The following HS6ST3 variants were observed in gnomAD, a reference collection of about 807,000 sequenced individuals.
HS6ST3 encodes the protein heparan sulfate 6-O-sulfotransferase 3.
A neutral mutation model predicts 36.7 loss-of-function variants in HS6ST3; 12 were observed. The observed-to-expected ratio is 0.33, with a 90% CI of 0.21 to 0.53. The LOEUF (loss-of-function observed/expected upper bound fraction) is 0.53. Among genes scored for constraint, HS6ST3 ranks in the 20% least tolerant of loss-of-function variants. The pLI is 0.95. For synonymous variants in HS6ST3, 240 were observed against 257.5 expected (o/e 0.93, Z 0.65); for missense variants, 584 against 640.9 (o/e 0.91, Z 0.96).
At chr13:96,320,709 C>T (rs936947530) in intron 1 of HS6ST3, among the ~76,000 whole-genome samples, 1 of 152,194 alleles carries the variant, frequency 6.6e-6, no homozygotes, top group Non-Finnish European at 1.5e-5. Context: ...CCAGCATGGC[C>T]CAGCAGCTGG....
chr13:96,796,872 G>A (rs1877925416), intron 1 of HS6ST3, among the ~76,000 whole-genome samples: 1 of 152,024 alleles, frequency 6.6e-6, no homozygotes, highest in Non-Finnish European at 1.5e-5. Context: ...TTTGGTAGGG[G>A]ACTATCGATC....
intron 1 of HS6ST3, among the ~76,000 whole-genome samples, chr13:96,390,881 T>C (rs1217354483): frequency 6.6e-6 from 1 of 152,208 alleles, no homozygotes; most frequent in Non-Finnish European, 1.5e-5. Context: ...CATCACCAAG[T>C]TATTTTTCTA....
At chr13:96,130,902 G>C (rs1361323969) in intron 1 of HS6ST3, among the ~76,000 whole-genome samples, 1 of 152,032 alleles carries the variant, frequency 6.6e-6, no homozygotes, top group Non-Finnish European at 1.5e-5. Flanking sequence ...GCAGTTATTA[G>C]AAATGTCCAA....
intron 1 of HS6ST3, among the ~76,000 whole-genome samples, chr13:96,534,646 G>T (rs930112989): frequency 2.6e-5 from 4 of 152,150 alleles, no homozygotes; most frequent in Admixed American, 2.0e-4. Context: ...CAAGGAAAAA[G>T]CCACAGGTGC....
At chr13:96,564,018 T>A (rs912240867) in intron 1 of HS6ST3, among the ~76,000 whole-genome samples, 1 of 152,208 alleles carries the variant, frequency 6.6e-6, no homozygotes, top group Non-Finnish European at 1.5e-5. Context: ...TAATGATACA[T>A]ACCTACTTTA....
chr13:96,486,659 G>A (rs1341630565), intron 1 of HS6ST3, among the ~76,000 whole-genome samples: 1 of 152,174 alleles, frequency 6.6e-6, no homozygotes, highest in Non-Finnish European at 1.5e-5. Flanking sequence ...CTGCATAAAT[G>A]TCTTCTTTTG....
intron 1 of HS6ST3, among the ~76,000 whole-genome samples, chr13:96,583,204 CTTTTTTTT>C (rs71292889): frequency 4.5e-4 from 24 of 52,930 alleles, no homozygotes; most frequent in East Asian, 2.7e-3. Context: ...TTTTTCTTTT[CTTTTTTTT>C]TTTTTTTTTT....
In HS6ST3 at chr13:96,733,953, A is replaced by T. The variant is rs949884914; in HGVS notation, c.708-98537A>T. 8.5e-5 allele frequency among the ~76,000 whole-genome samples: 13 copies of T among 152,156 alleles called. No homozygotes were observed. The East Asian group carries it at 2.5e-3, about 29-fold the overall frequency. The stretch of plus-strand genomic sequence containing the variant: ...CACCTAGACCACTGCTACAGACTTT[A>T]AATTTTTCTGTTTCAATTCAGCCTA... On this transcript the variant is annotated intron_variant, in intron 1 of 1. Coordinates refer to ENST00000376705, the MANE Select transcript of HS6ST3 (RefSeq NM_153456.4).
chr13:96,120,719 AAC>A (rs1278745340), intron 1 of HS6ST3, among the ~76,000 whole-genome samples: 2 of 152,238 alleles, frequency 1.3e-5, no homozygotes, highest in Non-Finnish European at 2.9e-5. Context: ...CCTAATAAAA[AAC>A]ACAATTATAA....
chr13:96,105,573 C>T (rs2053837811), intron 1 of HS6ST3, among the ~76,000 whole-genome samples: 1 of 152,000 alleles, frequency 6.6e-6, no homozygotes, highest in African/African-American at 2.4e-5. Flanking sequence ...TCATTTGAGC[C>T]CGGGAGGCGG....
intron 1 of HS6ST3, among the ~76,000 whole-genome samples, chr13:96,107,274 A>G (rs1566883317): frequency 6.6e-6 from 1 of 152,136 alleles, no homozygotes; most frequent in African/African-American, 2.4e-5. Flanking sequence ...AGAAAAGGGC[A>G]TTTGAAATTG....
At chr13:96,403,831 G>A (rs1305902469) in intron 1 of HS6ST3, among the ~76,000 whole-genome samples, 4 of 152,162 alleles carry the variant, frequency 2.6e-5, no homozygotes, top group African/African-American at 9.7e-5. Flanking sequence ...AAATGTGTTT[G>A]TTAATGGTTC....
intron 1 of HS6ST3, among the ~76,000 whole-genome samples, chr13:96,179,499 T>C (rs79952013): frequency 2.0e-3 from 311 of 152,342 alleles, no homozygotes; most frequent in Non-Finnish European, 3.2e-3. Context: ...TATCAGTGCC[T>C]GGAATCTACG....
chr13:96,408,076 A>G (rs568971459), intron 1 of HS6ST3, among the ~76,000 whole-genome samples: 1 of 152,184 alleles, frequency 6.6e-6, no homozygotes, highest in Admixed American at 6.5e-5. Context: ...AGTAGCTGGG[A>G]CTATATGTGT....
intron 1 of HS6ST3, among the ~76,000 whole-genome samples, chr13:96,105,531 G>T (rs1214104313): frequency 1.3e-5 from 2 of 152,016 alleles, no homozygotes; most frequent in Non-Finnish European, 2.9e-5. Context: ...GGTGCCTGTA[G>T]TCCCAGCTGC....
chr13:96,668,779 C>CAA (rs35044138), intron 1 of HS6ST3, among the ~76,000 whole-genome samples: 76 of 100,604 alleles, frequency 7.6e-4, no homozygotes, highest in African/African-American at 2.5e-3. Context: ...CTAGATATTT[C>CAA]AAAAAAAAAA....
intron 1 of HS6ST3, among the ~76,000 whole-genome samples, chr13:96,350,562 A>G (rs2055176577): frequency 6.6e-6 from 1 of 152,196 alleles, no homozygotes; most frequent in African/African-American, 2.4e-5. Flanking sequence ...CTCTAATCTT[A>G]TATGTTCATT....
In HS6ST3 at chr13:96,839,309, A is replaced by G. The variant is rs1308966345; in HGVS notation, c.*6111A>G. ...TTCAGTGTTGGAAAGAAAAATCTGGATCTTTATGTGGGGACCTATTTTACA... is the reference window on the plus strand; with the variant it reads ...TTCAGTGTTGGAAAGAAAAATCTGGGTCTTTATGTGGGGACCTATTTTACA... On this transcript the variant is annotated 3_prime_UTR_variant, in exon 2 of 2. Transcript: ENST00000376705. 1 of 151,898 alleles carries G rather than the reference A, an allele frequency of 6.6e-6. No homozygotes were observed. Among genetic ancestry groups the G allele is most frequent in the Non-Finnish European group, 1.5e-5 (1 of 68,012 alleles). 9.4% of individuals were successfully genotyped at this position (151,898 alleles called of 1,614,324 possible). A position where few individuals can be genotyped will look rare whatever the true frequency, so the allele number is the denominator to read the frequency against.
rs59880862 is a variant in HS6ST3 at position 96,638,865 on chromosome 13, T to TA, written c.708-193615dup. Among the ~76,000 whole-genome samples, 612 of 149,300 alleles carry TA rather than the reference T, an allele frequency of 4.1e-3. 2 individuals are homozygous for TA. The highest frequency in any genetic ancestry group is 0.014 in the African/African-American group (570 of 40,870). Reference sequence around the variant, plus strand: ...TATACTATAGAGTACTGTGGAGAATTAAAAAAAAAATAAGATACACTAAAA... The same window carrying TA: ...TATACTATAGAGTACTGTGGAGAATTAAAAAAAAAAATAAGATACACTAAAA... On this transcript the variant is annotated intron_variant, in intron 1 of 1. Coordinates refer to ENST00000376705, the MANE Select transcript of HS6ST3 (RefSeq NM_153456.4).
Sources: allele counts gnomAD v4.1 joint callset (sites outside exome capture counted in the v4.1 genomes callset), GRCh38; gene constraint gnomAD v4.1.1; transcripts MANE v1.5; gene names NCBI Gene and HGNC (gene_info 2026-07-23, HGNC 2026-07-21).